MAGI2: variants seen among roughly 807,000 people sequenced by gnomAD.
MAGI2 encodes the protein membrane-associated guanylate kinase, WW and PDZ domain-containing protein 2.
MAGI2 carries 35 observed loss-of-function variants against 133.3 expected under a neutral mutation model. The observed-to-expected ratio is 0.26, with a 90% CI of 0.20 to 0.35. The LOEUF is 0.35. Among genes scored for constraint, MAGI2 ranks in the 10% least tolerant of loss-of-function variants. MAGI2 has a pLI of 1.00. For missense variants in MAGI2, 1,636 were observed against 1,863.4 expected, an observed-to-expected ratio of 0.88 and a Z score of 2.25; for synonymous variants, 729 against 710.6, an observed-to-expected ratio of 1.03 and a Z score of -0.41.
chr7:79,102,537 T>C (rs567807916), intron 1 of MAGI2, among the ~76,000 whole-genome samples: 23 of 152,326 alleles, frequency 1.5e-4, no homozygotes, highest in African/African-American at 5.3e-4. Context: ...ACCTAGTAGA[T>C]GTTTTGATTA....
chr7:78,561,134 T>C (rs1800360272), intron 3 of MAGI2, among the ~76,000 whole-genome samples: 2 of 152,088 alleles, frequency 1.3e-5, no homozygotes, highest in African/African-American at 2.4e-5. Flanking sequence ...TCAGGATTAA[T>C]AGAAGGAAAA....
intron 1 of MAGI2, among the ~76,000 whole-genome samples, chr7:79,188,170 C>T (rs1208415467): frequency 6.6e-6 from 1 of 151,450 alleles, no homozygotes; most frequent in Non-Finnish European, 1.5e-5. Context: ...GGTTTGTTAC[C>T]TAGGTAAACA....
intron 1 of MAGI2, among the ~76,000 whole-genome samples, chr7:79,362,435 A>G (rs917589402): frequency 1.3e-5 from 2 of 152,140 alleles, no homozygotes; most frequent in African/African-American, 4.8e-5. Context: ...TTTACTAAAC[A>G]TTTAAAGAAT....
At chr7:79,297,703 T>C (rs960657326) in intron 1 of MAGI2, among the ~76,000 whole-genome samples, 1 of 152,182 alleles carries the variant, frequency 6.6e-6, no homozygotes, top group East Asian at 1.9e-4. Flanking sequence ...TGTGATATTA[T>C]TGATAGAGAA....
intron 2 of MAGI2, among the ~76,000 whole-genome samples, chr7:78,947,962 C>A (rs751157697): frequency 2.0e-5 from 3 of 151,898 alleles, no homozygotes; most frequent in Non-Finnish European, 4.4e-5. Flanking sequence ...TGAATAGGAA[C>A]CCTAAAACTG....
rs1015400770 is a variant in MAGI2, at chr7:78,841,607, A to G, written c.418+165483T>C. On this transcript the variant is annotated intron_variant, in intron 2 of 21. Transcript: ENST00000354212. ...TTCAAACTTCTCTCCTAAGTTGCAG[A>G]TCCACCCAACTTCCAACTGAATATC... Among the ~76,000 whole-genome samples, 114 of 152,022 alleles carry G rather than the reference A, an allele frequency of 7.5e-4. 1 individual carries two copies. Among genetic ancestry groups the G allele is most frequent in the African/African-American group, 2.7e-3 (113 of 41,420 alleles).
intron 1 of MAGI2, among the ~76,000 whole-genome samples, chr7:79,234,029 T>A (rs1196612763): frequency 1.4e-5 from 2 of 142,086 alleles, no homozygotes; most frequent in East Asian, 4.1e-4. Context: ...GTCTGTAAAG[T>A]ATTTTATTTC....
intron 1 of MAGI2, among the ~76,000 whole-genome samples, chr7:79,281,761 T>C (rs1387444354): frequency 3.3e-5 from 5 of 152,180 alleles, no homozygotes; most frequent in African/African-American, 1.2e-4. Flanking sequence ...AATAGATCCA[T>C]GGCAGTATCA....
Position 78,904,347 on chromosome 7 carries a change from C to T in MAGI2, c.418+102743G>A, listed in dbSNP as rs1797839575. The stretch of plus-strand genomic sequence containing the variant: ...ATTCTATGAAAAAAAATCAATAATA[C>T]TAGTGGTCCTGAAGAATGGAAGAAA... On this transcript the variant is annotated intron_variant, in intron 2 of 21. Transcript: ENST00000354212. Among the ~76,000 whole-genome samples, 3 of 152,012 alleles carry T rather than the reference C, an allele frequency of 2.0e-5. No individual in the cohort carries two copies. In the South Asian group the frequency reaches 6.2e-4, roughly 32 times the overall value.
At chr7:78,964,720 A>T (rs561037899) in intron 2 of MAGI2, among the ~76,000 whole-genome samples, 16 of 152,064 alleles carry the variant, frequency 1.1e-4, no homozygotes, top group Non-Finnish European at 1.9e-4. Flanking sequence ...GGGTTAGAGT[A>T]AAAATTACAA....
intron 1 of MAGI2, among the ~76,000 whole-genome samples, chr7:79,097,448 G>A (rs558909574): frequency 1.3e-5 from 2 of 152,210 alleles, no homozygotes; most frequent in Non-Finnish European, 2.9e-5. Context: ...GGATCAGAAT[G>A]AGAAAGCTTC....
At chr7:79,091,864 T>A (rs1314805045) in intron 1 of MAGI2, among the ~76,000 whole-genome samples, 1 of 151,932 alleles carries the variant, frequency 6.6e-6, no homozygotes, top group Admixed American at 6.6e-5. Flanking sequence ...TCTTTTGAAA[T>A]TTTCCAACCA....
chr7:78,756,350 T>A (rs1378868295), intron 2 of MAGI2, among the ~76,000 whole-genome samples: 1 of 152,230 alleles, frequency 6.6e-6, no homozygotes, highest in African/African-American at 2.4e-5. Context: ...AGTCTGGTAA[T>A]ATTAATGATG....
chr7:78,149,579 T>A (rs1823662571), intron 16 of MAGI2, among the ~76,000 whole-genome samples: 1 of 152,242 alleles, frequency 6.6e-6, no homozygotes, highest in South Asian at 2.1e-4. Context: ...GCTGTTCATC[T>A]AGCAAGTCTA....
intron 2 of MAGI2, among the ~76,000 whole-genome samples, chr7:78,670,177 T>G (rs1419262209): frequency 6.6e-6 from 1 of 151,974 alleles, no homozygotes; most frequent in African/African-American, 2.4e-5. Flanking sequence ...AAAACCCCAT[T>G]GTCTCAGCCC....
intron 21 of MAGI2, among the ~76,000 whole-genome samples, chr7:78,071,098 A>G (rs78722038): frequency 0.043 from 6,508 of 152,336 alleles, 187 homozygotes; most frequent in South Asian, 0.076. Flanking sequence ...AATATGTAAA[A>G]AAGAAGAAAT....
chr7:78,437,326 A>C (rs1306467960), intron 6 of MAGI2, among the ~76,000 whole-genome samples: 1 of 152,092 alleles, frequency 6.6e-6, no homozygotes, highest in Non-Finnish European at 1.5e-5. Flanking sequence ...CTTTCTACTA[A>C]ATGACTCATA....
At chr7:78,854,345 G>A (rs546503017) in intron 2 of MAGI2, among the ~76,000 whole-genome samples, 2 of 152,144 alleles carry the variant, frequency 1.3e-5, no homozygotes, top group African/African-American at 2.4e-5. Context: ...TAAATGACAG[G>A]TGTGACAAGA....
At chr7:79,441,864 C>A (rs1408224052) in intron 1 of MAGI2, among the ~76,000 whole-genome samples, 1 of 151,902 alleles carries the variant, frequency 6.6e-6, no homozygotes, top group African/African-American at 2.4e-5. Flanking sequence ...TTGCAATATA[C>A]CGTATATTCA....
Sources: gnomAD v4.1 joint callset for allele counts (sites outside exome capture counted in the v4.1 genomes callset) on GRCh38, gnomAD v4.1.1 for gene constraint, MANE v1.5 for transcripts, NCBI Gene and HGNC (gene_info 2026-07-23, HGNC 2026-07-21) for gene names.